The following IGF2BP3 variants were observed in gnomAD, a reference collection of about 807,000 sequenced individuals.
IGF2BP3 encodes the protein insulin-like growth factor 2 mRNA-binding protein 3.
IGF2BP3 carries 9 observed loss-of-function variants against 73.8 expected under a neutral mutation model. The ratio of observed to expected loss-of-function variants is 0.12; its 90% confidence interval spans 0.07 to 0.21. The LOEUF is 0.21. IGF2BP3 is among the 10% of genes least tolerant of loss of function. IGF2BP3 has a pLI of 1.00. For missense variants in IGF2BP3, 542 were observed against 714.0 expected (o/e 0.76, Z 2.75); for synonymous variants, 258 against 256.7 (o/e 1.01, Z -0.05).
chr7:23,335,329 C>T (rs556482785), intron 10 of IGF2BP3, among the ~76,000 whole-genome samples: 105 of 151,836 alleles, frequency 6.9e-4, no homozygotes, highest in Non-Finnish European at 1.3e-3. Context: ...GTCACCCAGG[C>T]TGGAGTGCAG....
At chr7:23,362,801 T>C (rs1178354806) in intron 3 of IGF2BP3, 1 of 152,264 alleles carries the variant, frequency 6.6e-6, no homozygotes, top group Non-Finnish European at 1.5e-5. Flanking sequence ...TCACCCAGGC[T>C]GGAGTGCAGT....
chr7:23,336,707 G>A (rs1784582599), intron 10 of IGF2BP3, among the ~76,000 whole-genome samples: 1 of 152,134 alleles, frequency 6.6e-6, no homozygotes, highest in East Asian at 1.9e-4. Flanking sequence ...CAGCACTTTG[G>A]GAGGCCGAGA....
chr7:23,318,819 G>C (rs879329526), intron 11 of IGF2BP3, among the ~76,000 whole-genome samples: 1 of 152,128 alleles, frequency 6.6e-6, no homozygotes, highest in Non-Finnish European at 1.5e-5. Context: ...CTGATTCCTG[G>C]AGCACTGAAT....
rs375352608 is a variant in IGF2BP3 at position 23,380,256 on chromosome 7, C to T, written c.286-18515G>A. 2.1e-3 allele frequency among the ~76,000 whole-genome samples: 306 copies of T among 148,988 alleles called. 4 individuals are homozygous for T. Among genetic ancestry groups the T allele is most frequent in the African/African-American group, 6.9e-3 (273 of 39,744 alleles). ...TCAGCTCACTGCAACCTCCGCCTCC[C>T]GGGTTCACGCCATTCTCCTGCCTCA... On this transcript the variant is annotated intron_variant, in intron 3 of 14. Transcript: ENST00000258729.
intron 10 of IGF2BP3, among the ~76,000 whole-genome samples, chr7:23,319,947 G>C (rs1008207800): frequency 1.3e-5 from 2 of 151,696 alleles, no homozygotes; most frequent in African/African-American, 4.8e-5. Flanking sequence ...TCTCACTCTT[G>C]TTGCCCAGAC....
chr7:23,329,208 G>A (rs912136276), intron 10 of IGF2BP3, among the ~76,000 whole-genome samples: 81 of 148,616 alleles, frequency 5.5e-4, no homozygotes, highest in African/African-American at 1.9e-3. Context: ...GCAAGACTCC[G>A]TCTCAAAAAA....
chr7:23,421,847 T>C (rs530298482), intron 2 of IGF2BP3, among the ~76,000 whole-genome samples: 1 of 152,060 alleles, frequency 6.6e-6, no homozygotes, highest in East Asian at 1.9e-4. Context: ...TGCAGTGGCG[T>C]GGTCTTAGCT....
chr7:23,445,802 AGT>A (rs1336115273), intron 2 of IGF2BP3, among the ~76,000 whole-genome samples: 1 of 152,210 alleles, frequency 6.6e-6, no homozygotes, highest in Non-Finnish European at 1.5e-5. Context: ...AACATACAAT[AGT>A]TATGTTTAAG....
intron 2 of IGF2BP3, among the ~76,000 whole-genome samples, chr7:23,436,005 C>T (rs1022402794): frequency 2.0e-5 from 3 of 152,226 alleles, no homozygotes; most frequent in Non-Finnish European, 4.4e-5. Context: ...GATCCACCTG[C>T]CTCGGCCTCC....
intron 2 of IGF2BP3, among the ~76,000 whole-genome samples, chr7:23,424,278 T>C (rs1339097728): frequency 6.6e-6 from 1 of 150,930 alleles, no homozygotes; most frequent in African/African-American, 2.4e-5. Flanking sequence ...GTCGGGGGAA[T>C]CATTAGGTCA....
intron 10 of IGF2BP3, among the ~76,000 whole-genome samples, chr7:23,334,472 T>C (rs1433445572): frequency 6.6e-6 from 1 of 152,242 alleles, no homozygotes; most frequent in African/African-American, 2.4e-5. Flanking sequence ...GTTATAAGCC[T>C]TTTTCACCTG....
chr7:23,468,387 G>A (rs1293530374), intron 2 of IGF2BP3, 95 bp downstream of exon 2: 3 of 1,251,550 alleles, frequency 2.4e-6, no homozygotes, highest in Non-Finnish European at 3.5e-6. Flanking sequence ...ACACGGCAGG[G>A]GGTAAGCACC....
chr7:23,395,116 T>C (rs11762251), intron 3 of IGF2BP3, among the ~76,000 whole-genome samples: 22,076 of 152,214 alleles, frequency 0.15, 1,895 homozygotes, highest in Middle Eastern at 0.25. Context: ...CAGCCCTCAC[T>C]GATGTTTCTG....
intron 2 of IGF2BP3, among the ~76,000 whole-genome samples, chr7:23,419,092 C>T (rs1197238397): frequency 6.6e-6 from 1 of 152,178 alleles, no homozygotes; most frequent in Non-Finnish European, 1.5e-5. Flanking sequence ...TTAAAACACA[C>T]TTATCTGATG....
At chr7:23,328,396 T>C (rs897392998) in intron 10 of IGF2BP3, among the ~76,000 whole-genome samples, 1 of 152,112 alleles carries the variant, frequency 6.6e-6, no homozygotes, top group Non-Finnish European at 1.5e-5. Context: ...TTTAGTAAAA[T>C]TGGGTTTCAC....
rs200194390 is a variant in IGF2BP3, at chr7:23,361,508, T to C, written c.401+26A>G. 6.0e-5 allele frequency: 95 copies of C among 1,581,412 alleles called. No homozygotes were observed. The Middle Eastern group carries it at 4.3e-3, about 72-fold the overall frequency. ...CTGTACTTAACTTAGTTATTATATA[T>C]AGATTAAAAGCTTCAAGCTGCTTAC... is the stretch of plus-strand genomic sequence containing the variant. On this transcript the variant is annotated intron_variant, in intron 5 of 14. Coordinates refer to ENST00000258729, the MANE Select transcript of IGF2BP3 (RefSeq NM_006547.3).
At chr7:23,364,827 G>A (rs1785327867) in intron 3 of IGF2BP3, among the ~76,000 whole-genome samples, 1 of 151,906 alleles carries the variant, frequency 6.6e-6, no homozygotes, top group Non-Finnish European at 1.5e-5. Flanking sequence ...TAGCGGAGGG[G>A]TTCAGGGACT....
At chr7:23,449,554 C>CTTTTTTTTTTTTTTT (rs376571131) in intron 2 of IGF2BP3, among the ~76,000 whole-genome samples, 5 of 106,934 alleles carry the variant, frequency 4.7e-5, no homozygotes, top group Non-Finnish European at 5.6e-5. Context: ...TTTTCTTTTT[C>CTTTTTTTTTTTTTTT]TTTTTTTTTT....
At chr7:23,444,008 CA>C (rs576764529) in intron 2 of IGF2BP3, among the ~76,000 whole-genome samples, 1 of 151,958 alleles carries the variant, frequency 6.6e-6, no homozygotes, top group Non-Finnish European at 1.5e-5. Flanking sequence ...GACTTCGTCT[CA>C]AAAAACAAAA....
Sources: allele counts gnomAD v4.1 joint callset (sites outside exome capture counted in the v4.1 genomes callset), GRCh38; gene constraint gnomAD v4.1.1; transcripts MANE v1.5; gene names NCBI Gene and HGNC (gene_info 2026-07-23, HGNC 2026-07-21).